Variants in MRPS18C observed in about 807,000 individuals in gnomAD.
The protein encoded by MRPS18C is small ribosomal subunit protein bS18m.
A neutral mutation model predicts 21.0 loss-of-function variants in MRPS18C; 21 were observed. That is an observed-to-expected ratio of 1.00 (90% CI 0.71 to 1.44). MRPS18C has a LOEUF of 1.44. MRPS18C is among the 40% of genes most tolerant of loss of function. The probability of loss-of-function intolerance (pLI) is 0.00; values close to 1 mark genes in which losing one functional copy is unlikely to be tolerated. For synonymous variants in MRPS18C, 65 were observed against 54.3 expected, an observed-to-expected ratio of 1.20 and a Z score of -0.87; for missense variants, 152 against 171.5, an observed-to-expected ratio of 0.89 and a Z score of 0.64.
chr4:83,456,871 A>C (rs948336205), intron 1 of MRPS18C, 38 bp from the exon 2 acceptor site: 4 of 1,603,298 alleles, frequency 2.5e-6, no homozygotes, highest in Non-Finnish European at 3.4e-6. Context: ...TCAGCTAAGA[A>C]AAAGAAATGG....
chr4:83,456,286 A>C, intron 1 of MRPS18C, 109 bp downstream of exon 1: 1 of 936,772 alleles, frequency 1.1e-6, no homozygotes, highest in Admixed American at 2.2e-5. Context: ...CTAGGCGATT[A>C]AGTTTCTCCA....
intron 4 of MRPS18C, chr4:83,460,344 T>G (rs13142756): frequency 0.56 from 85,590 of 151,556 alleles, 24,828 homozygotes; most frequent in African/African-American, 0.67. Flanking sequence ...TTTTAGAGAT[T>G]GGGTTTCTCC....
At position 83,461,864 on chromosome 4, in the gene MRPS18C, C is replaced by T; in HGVS notation, c.*667C>T. On this transcript the variant is annotated 3_prime_UTR_variant, in exon 6 of 6. Coordinates refer to ENST00000295491, the MANE Select transcript of MRPS18C (RefSeq NM_016067.4). ...TAATAATTAAGGCTGCCAGATTTAG[C>T]AAGTACAAATGTAGGACAAATTTAA... is the stretch of plus-strand genomic sequence containing the variant. 4.4e-6 allele frequency: 1 copy of T among 228,010 alleles called. No homozygotes were observed. Among genetic ancestry groups the T allele is most frequent in the Non-Finnish European group, 8.7e-6 (1 of 114,904 alleles). The allele number at this position is 228,010 out of a possible 1,614,324, so 14.1% of individuals were successfully genotyped here. A position where few individuals can be genotyped will look rare whatever the true frequency, so the allele number is the denominator to read the frequency against.
intron 4 of MRPS18C, chr4:83,460,039 T>C: frequency 2.8e-6 from 1 of 361,856 alleles, no homozygotes; most frequent in Non-Finnish European, 4.9e-6. Flanking sequence ...TGTTGATGTT[T>C]TGGAATATAC....
At position 83,458,332 on chromosome 4, in the gene MRPS18C, G is replaced by A. The variant is rs757633667; in HGVS notation, c.151-14G>A. On this transcript the variant is annotated splice_polypyrimidine_tract_variant and intron_variant, in intron 2 of 5. Transcript: ENST00000295491. ...AACACATCCTATTATCAGACTTTTC[G>A]TTTTTTTCCCTAGCCCATTTCAATG... The A allele has an allele frequency of 5.1e-6, 8 of 1,554,540 alleles. No individual in the cohort carries two copies. Among genetic ancestry groups the A allele is most frequent in the Admixed American group, 1.7e-5 (1 of 57,524 alleles).
Position 83,459,725 on chromosome 4 carries a change from A to G in MRPS18C, c.235-15A>G, listed in dbSNP as rs1454921122. On this transcript the variant is annotated splice_polypyrimidine_tract_variant and intron_variant, in intron 3 of 5. Coordinates refer to ENST00000295491, the MANE Select transcript of MRPS18C (RefSeq NM_016067.4). The stretch of plus-strand genomic sequence containing the variant: ...AGATACTTTTTTTTCCCCTCCACAT[A>G]AAACTCCAAAACAGCTTTTGTCCCA... The G allele has an allele frequency of 9.3e-6, 15 of 1,606,472 alleles. No individual in the cohort carries two copies. Among genetic ancestry groups the G allele is most frequent in the Middle Eastern group, 1.6e-4 (1 of 6,066 alleles).
At chr4:83,456,778 T>G in intron 1 of MRPS18C, 131 bp from the exon 2 acceptor site, 3 of 864,970 alleles carry the variant, frequency 3.5e-6, no homozygotes, top group Admixed American at 5.5e-5. Flanking sequence ...TTTTTAACCA[T>G]TCTGAATATA....
chr4:83,460,670 G>GGC, intron 4 of MRPS18C: 1 of 303,918 alleles, frequency 3.3e-6, no homozygotes, highest in Non-Finnish European at 6.2e-6. Flanking sequence ...TTGGGAGGCT[G>GGC]AGGTGGGCAG....
Position 83,456,903 on chromosome 4 carries a change from T to C in MRPS18C, c.101-6T>C. 1 of 1,611,046 alleles carries C rather than the reference T, an allele frequency of 6.2e-7. No homozygotes were observed. Among genetic ancestry groups the C allele is most frequent in the Non-Finnish European group, 8.5e-7 (1 of 1,179,534 alleles). On this transcript the variant is annotated splice_polypyrimidine_tract_variant and splice_region_variant and intron_variant, in intron 1 of 5. Transcript: ENST00000295491. ...ATGGTTAATTGCTGTTTCTGTTTAA[T>C]CGCAGTGCTTTGGAGAAGAGGTTGT...
chr4:83,460,895 G>T, intron 4 of MRPS18C, 78 bp from the exon 5 acceptor site: 1 of 1,223,282 alleles, frequency 8.2e-7, no homozygotes, highest in South Asian at 1.3e-5. Context: ...GACACAGGGA[G>T]ACTCCATCTC....
At position 83,462,224 on chromosome 4, in the gene MRPS18C, G is replaced by T; in HGVS notation, c.*1027G>T. ...TTCCAATTCTAAAGAATGTGTCTGT[G>T]TAAGCCTTCCCCTCAACAACTTAGT... On this transcript the variant is annotated 3_prime_UTR_variant, in exon 6 of 6. Coordinates refer to ENST00000295491, the MANE Select transcript of MRPS18C (RefSeq NM_016067.4). 2.2e-6 allele frequency: 1 copy of T among 458,892 alleles called. No homozygotes were observed. The allele number at this position is 458,892 out of a possible 1,614,324, so 28.4% of individuals were successfully genotyped here. A position where few individuals can be genotyped will look rare whatever the true frequency, so the allele number is the denominator to read the frequency against.
intron 2 of MRPS18C, 171 bp from the exon 3 acceptor site, chr4:83,458,175 C>T: frequency 1.9e-6 from 1 of 514,066 alleles, no homozygotes; most frequent in Non-Finnish European, 3.4e-6. Context: ...AGAATCTTCC[C>T]ATGCGTTAAT....
chr4:83,459,975 T>G (rs892222549), intron 4 of MRPS18C, 178 bp downstream of exon 4: 49 of 521,530 alleles, frequency 9.4e-5, no homozygotes, highest in South Asian at 4.8e-4. Flanking sequence ...GATTATTATT[T>G]TGCTGTCTTA....
At chr4:83,458,099 T>C (rs1449271373) in intron 2 of MRPS18C, 6 of 386,870 alleles carry the variant, frequency 1.6e-5, no homozygotes, top group East Asian at 6.4e-5. Flanking sequence ...ATTGGAACAC[T>C]TTCTTATCAG....
intron 1 of MRPS18C, 146 bp from the exon 2 acceptor site, chr4:83,456,762 TA>T: frequency 1.4e-6 from 1 of 726,216 alleles, no homozygotes; most frequent in Non-Finnish European, 2.2e-6. Context: ...GTCCCAAATA[TA>T]AAAGTTTTTA....
intron 4 of MRPS18C, 26 bp downstream of exon 4, chr4:83,459,823 ATAAATG>A: frequency 6.6e-7 from 1 of 1,511,950 alleles, no homozygotes; most frequent in Admixed American, 1.9e-5. Context: ...TTATGGGAAT[ATAAATG>A]TAGATACGAA....
rs1488627822 is a variant in MRPS18C at position 83,461,258 on chromosome 4, C to G, written c.*61C>G. 2 of 1,414,840 alleles carry G rather than the reference C, an allele frequency of 1.4e-6. No individual in the cohort carries two copies. The highest frequency in any genetic ancestry group is 2.3e-5 in the East Asian group (1 of 43,796). The allele number at this position is 1,414,840 out of a possible 1,614,324, so 87.6% of individuals were successfully genotyped here. A position where few individuals can be genotyped will look rare whatever the true frequency, so the allele number is the denominator to read the frequency against. On this transcript the variant is annotated 3_prime_UTR_variant, in exon 6 of 6. Transcript: ENST00000295491. ...AGTAAGTGGTTGTATGATGCCAATA[C>G]TGACTCAAACCAACCTTTGGATAGA...
intron 2 of MRPS18C, 44 bp downstream of exon 2, chr4:83,457,002 C>T (rs1426866559): frequency 5.9e-6 from 9 of 1,534,560 alleles, no homozygotes; most frequent in East Asian, 2.3e-5. Flanking sequence ...GCAAATATGA[C>T]CAAAATGTTT....
intron 3 of MRPS18C, 162 bp downstream of exon 3, chr4:83,458,591 C>CT: frequency 2.0e-6 from 1 of 508,234 alleles, no homozygotes; most frequent in Non-Finnish European, 3.4e-6. Context: ...CTTATCTCTG[C>CT]TTTATTCAAG....
Sources: gnomAD v4.1 joint callset for allele counts on GRCh38, gnomAD v4.1.1 for gene constraint, MANE v1.5 for transcripts, NCBI Gene and HGNC (gene_info 2026-07-23, HGNC 2026-07-21) for gene names.